Variants in DNAH7 observed in about 807,000 individuals in gnomAD.
The protein encoded by DNAH7 is dynein axonemal heavy chain 7.
Under a neutral mutation model 444.6 loss-of-function variants are expected in DNAH7, and 397 were observed. The observed-to-expected ratio is 0.89, with a 90% CI of 0.82 to 0.97. The LOEUF is 0.97. Among genes scored for constraint, DNAH7 ranks in the 50% least tolerant of loss-of-function variants. The pLI is 0.00. For missense variants in DNAH7, 4,902 were observed against 4,800.8 expected (o/e 1.02, Z -0.62); for synonymous variants, 1,636 against 1,624.4 (o/e 1.01, Z -0.17).
intron 47 of DNAH7, among the ~76,000 whole-genome samples, chr2:195,842,066 C>T (rs1202994973): frequency 6.6e-6 from 1 of 152,000 alleles, no homozygotes; most frequent in Non-Finnish European, 1.5e-5. Flanking sequence ...ATTATTGCTA[C>T]TGAATTAAAC....
At chr2:195,778,475 CA>C (rs34018148) in intron 58 of DNAH7, among the ~76,000 whole-genome samples, 4,480 of 129,048 alleles carry the variant, frequency 0.035, 243 homozygotes, top group East Asian at 0.27. Context: ...CTGTCCCTAC[CA>C]AAAAAAAAAA....
chr2:195,873,539 TAA>T, intron 39 of DNAH7, 27 bp downstream of exon 39: 3 of 1,116,512 alleles, frequency 2.7e-6, no homozygotes, highest in Non-Finnish European at 3.6e-6. Context: ...ACCTCCTAAT[TAA>T]AAAAAAAACA....
At chr2:196,038,402 G>A (rs1696527663) in intron 5 of DNAH7, among the ~76,000 whole-genome samples, 1 of 152,014 alleles carries the variant, frequency 6.6e-6, no homozygotes, top group African/African-American at 2.4e-5. Context: ...AATCACAAAG[G>A]TAAGCAGTAA....
In DNAH7 at chr2:195,970,020, A is replaced by C. The variant is rs1190184304; in HGVS notation, c.2133T>G (p.Asp711Glu). ...KQSEEFYSFG[D>E]LQDVQRYLKK... The stretch of plus-strand genomic sequence containing the variant: ...TTAGGTACCGCTGAACATCCTGAAG[A>C]TCTCCAAATGAATAAAATTCTTCTG... The change falls in exon 17 of 65, where the codon GAT becomes GAG. Residue 711 changes from aspartate (D) to glutamate (E), a missense_variant. Coordinates refer to ENST00000312428, the MANE Select transcript of DNAH7 (RefSeq NM_018897.3). The C allele has an allele frequency of 6.2e-7, 1 of 1,612,770 alleles. No individual in the cohort carries two copies. The highest frequency in any genetic ancestry group is 8.5e-7 in the Non-Finnish European group (1 of 1,179,544).
chr2:195,743,507 T>C (rs1480373996), intron 63 of DNAH7, among the ~76,000 whole-genome samples: 3 of 152,216 alleles, frequency 2.0e-5, no homozygotes, highest in African/African-American at 7.2e-5. Flanking sequence ...GACAGTGTTA[T>C]GAGGCCCAGA....
Position 195,865,026 on chromosome 2 carries a change from A to G in DNAH7, c.6634-5T>C, listed in dbSNP as rs1471479919. ...GTCATAATACACTCGAAGGACCTGT[A>G]TAATAATTAAAAAGCAGCTTTAGAA... On this transcript the variant is annotated splice_polypyrimidine_tract_variant and splice_region_variant and intron_variant, in intron 40 of 64. Coordinates refer to ENST00000312428, the MANE Select transcript of DNAH7 (RefSeq NM_018897.3). 5 of 1,552,824 alleles carry G rather than the reference A, an allele frequency of 3.2e-6. No homozygotes were observed. Among genetic ancestry groups the G allele is most frequent in the East Asian group, 2.2e-5 (1 of 44,456 alleles).
At chr2:195,820,088 C>A (rs1482533529) in intron 49 of DNAH7, among the ~76,000 whole-genome samples, 1 of 152,204 alleles carries the variant, frequency 6.6e-6, no homozygotes, top group African/African-American at 2.4e-5. Flanking sequence ...CCAAGGAGCA[C>A]TCTTCGTCTA....
intron 9 of DNAH7, among the ~76,000 whole-genome samples, chr2:196,013,617 T>C (rs1470604193): frequency 1.3e-5 from 2 of 152,200 alleles, no homozygotes; most frequent in African/African-American, 4.8e-5. Flanking sequence ...CAAATCTATT[T>C]CCTTATATTT....
intron 19 of DNAH7, among the ~76,000 whole-genome samples, chr2:195,948,856 A>G (rs1199607334): frequency 2.6e-5 from 4 of 152,172 alleles, no homozygotes; most frequent in African/African-American, 4.8e-5. Flanking sequence ...TGATGAAGAT[A>G]GCACTGAATC....
At chr2:195,768,522 A>G (rs1694692194) in intron 61 of DNAH7, among the ~76,000 whole-genome samples, 1 of 151,962 alleles carries the variant, frequency 6.6e-6, no homozygotes, top group African/African-American at 2.4e-5. Context: ...TCCTGTGCTT[A>G]TAGCTTTGCA....
chr2:196,051,141 T>G (rs759281326), intron 3 of DNAH7, 46 bp downstream of exon 3: 1 of 1,553,368 alleles, frequency 6.4e-7, no homozygotes, highest in Non-Finnish European at 8.9e-7. Flanking sequence ...TAATAAACAT[T>G]TTTTGAAGCA....
At chr2:195,864,101 G>A in intron 41 of DNAH7, 48 bp downstream of exon 41, 2 of 1,572,896 alleles carry the variant, frequency 1.3e-6, no homozygotes, top group Non-Finnish European at 8.7e-7. Flanking sequence ...TGATGATAGT[G>A]GAAATTCAAC....
At chr2:195,837,476 GA>G (rs1698431422) in intron 47 of DNAH7, among the ~76,000 whole-genome samples, 2 of 152,120 alleles carry the variant, frequency 1.3e-5, no homozygotes, top group African/African-American at 4.8e-5. Context: ...ATCCTAACTT[GA>G]GGAATTATCA....
At chr2:196,044,285 T>A (rs1334098455) in intron 5 of DNAH7, among the ~76,000 whole-genome samples, 1 of 151,734 alleles carries the variant, frequency 6.6e-6, no homozygotes, top group Non-Finnish European at 1.5e-5. Flanking sequence ...AATAACAGCA[T>A]TTGCAGCAAC....
chr2:195,738,225 T>C (rs1692770623), intron 64 of DNAH7, 98 bp from the exon 65 acceptor site: 1 of 1,057,152 alleles, frequency 9.5e-7, no homozygotes, highest in South Asian at 1.5e-5. Context: ...AGGTTATGCA[T>C]GCAGATTTCT....
intron 54 of DNAH7, among the ~76,000 whole-genome samples, chr2:195,804,666 T>C (rs1037604741): frequency 9.9e-5 from 15 of 152,218 alleles, no homozygotes; most frequent in African/African-American, 3.6e-4. Flanking sequence ...ACTATTTTGA[T>C]GGCAGGGAGA....
chr2:195,756,282 G>A lies in DNAH7; in HGVS notation c.11437C>T (p.Leu3813Phe), dbSNP rs756222394. The A allele has an allele frequency of 1.2e-5, 20 of 1,606,624 alleles. No individual in the cohort carries two copies. The highest frequency in any genetic ancestry group is 1.7e-5 in the Non-Finnish European group (20 of 1,175,774). Reference sequence around the variant, plus strand: ...TCAAGATCTGTAGACATGACTGCAAGCCCCTGAAACACATTTAACCTTGGT... The same window carrying A: ...TCAAGATCTGTAGACATGACTGCAAACCCCTGAAACACATTTAACCTTGGT... The part of the protein sequence containing the change: ...CVNIQKAIKG[L>F]AVMSTDLEEV... The change falls in exon 62 of 65, where the codon CTT becomes TTT. Residue 3813 changes from leucine to phenylalanine, a missense_variant. Leu to Phe is a conservative substitution (Grantham distance 22). Coordinates refer to ENST00000312428, the MANE Select transcript of DNAH7 (RefSeq NM_018897.3).
At chr2:195,740,632 TATATATATATATACATATACACAC>T (rs1242004987) in intron 64 of DNAH7, 110 bp downstream of exon 64, 26 of 106,260 alleles carry the variant, frequency 2.4e-4, no homozygotes, top group East Asian at 2.3e-3. Flanking sequence ...TATATATATA[TATATATATATATACATATACACAC>T]ACACATATGT....
chr2:195,910,387 T>C (rs1218263058), intron 24 of DNAH7, among the ~76,000 whole-genome samples, 192 bp from the exon 25 acceptor site: 1 of 152,204 alleles, frequency 6.6e-6, no homozygotes, highest in Non-Finnish European at 1.5e-5. Flanking sequence ...TATTTCTGAA[T>C]AGCTATATAT....
Sources: gnomAD v4.1 joint callset for allele counts (sites outside exome capture counted in the v4.1 genomes callset) on GRCh38, gnomAD v4.1.1 for gene constraint, MANE v1.5 for transcripts, NCBI Gene and HGNC (gene_info 2026-07-23, HGNC 2026-07-21) for gene names.